Variants in DMGDH observed in about 807,000 individuals in gnomAD.
DMGDH encodes dimethylglycine dehydrogenase, mitochondrial.
Under a neutral mutation model 95.2 loss-of-function variants are expected in DMGDH, and 76 were observed. The observed-to-expected ratio is 0.80, with a 90% CI of 0.66 to 0.97. The LOEUF is 0.97. Among genes scored for constraint, DMGDH ranks in the 50% least tolerant of loss-of-function variants. The probability of loss-of-function intolerance (pLI) is 0.00; values close to 1 mark genes in which losing one functional copy is unlikely to be tolerated. For missense variants in DMGDH, 987 were observed against 1,055.0 expected (o/e 0.94, Z 0.89); for synonymous variants, 345 against 377.6 (o/e 0.91, Z 1.00).
At chr5:79,067,765 G>C (rs1336947173) in intron 1 of DMGDH, among the ~76,000 whole-genome samples, 3 of 152,078 alleles carry the variant, frequency 2.0e-5, no homozygotes, top group Admixed American at 2.0e-4. Context: ...AAACTTAGGA[G>C]CCATGCAAAA....
At chr5:79,047,363 G>T (rs1049279080) in intron 5 of DMGDH, among the ~76,000 whole-genome samples, 9 of 152,302 alleles carry the variant, frequency 5.9e-5, no homozygotes, top group East Asian at 3.9e-4. Context: ...TGATGACAAT[G>T]ATGGCCTCAT....
chr5:79,015,469 T>C (rs914937586), intron 14 of DMGDH, among the ~76,000 whole-genome samples: 81 of 152,292 alleles, frequency 5.3e-4, no homozygotes, highest in African/African-American at 1.7e-3. Context: ...ACACTCCAAA[T>C]TCCTTAGCTT....
At chr5:79,034,921 T>G (rs1018228359) in intron 7 of DMGDH, among the ~76,000 whole-genome samples, 47 of 151,342 alleles carry the variant, frequency 3.1e-4, no homozygotes, top group East Asian at 9.7e-4. Flanking sequence ...GCCGGGCGTG[T>G]TGGCGGGCGC....
intron 14 of DMGDH, chr5:79,021,238 G>A: frequency 2.0e-6 from 2 of 1,011,876 alleles, no homozygotes; most frequent in Non-Finnish European, 2.4e-6. Flanking sequence ...TCCACTTGCG[G>A]AAGGGTTATC....
chr5:79,014,873 C>G (rs144579363), intron 14 of DMGDH, among the ~76,000 whole-genome samples: 1 of 134,308 alleles, frequency 7.4e-6, no homozygotes, highest in East Asian at 2.0e-4. Context: ...CACTAGTGAT[C>G]AGACACAGGG....
intron 14 of DMGDH, chr5:79,020,564 A>C: frequency 1.4e-6 from 1 of 713,228 alleles, no homozygotes; most frequent in Non-Finnish European, 1.7e-6. Flanking sequence ...CCTCTTTACC[A>C]GCTTTTTTGG....
At chr5:79,038,011 C>T (rs1185575006) in intron 7 of DMGDH, among the ~76,000 whole-genome samples, 1 of 152,186 alleles carries the variant, frequency 6.6e-6, no homozygotes, top group Non-Finnish European at 1.5e-5. Flanking sequence ...AAATGATCTA[C>T]AGATTCAATG....
chr5:79,027,355 C>T lies in DMGDH; in HGVS notation c.2033-774G>A, dbSNP rs542825969. Among the ~76,000 whole-genome samples, 72 of 152,026 alleles carry T rather than the reference C, an allele frequency of 4.7e-4. 1 individual carries two copies. Among genetic ancestry groups the T allele is most frequent in the African/African-American group, 1.7e-3 (72 of 41,458 alleles). On this transcript the variant is annotated intron_variant, in intron 12 of 15. Transcript: ENST00000255189. ...CATTTTTTATTCTAGAATTTGCCAA[C>T]GTTGGGTGGAAGAAGGGCAGGGAAA...
intron 15 of DMGDH, among the ~76,000 whole-genome samples, chr5:78,999,772 A>T (rs879387059): frequency 1.3e-5 from 2 of 152,234 alleles, no homozygotes; most frequent in Admixed American, 1.3e-4. Context: ...GCCAAGGTAT[A>T]ACACATGCTT....
In DMGDH at chr5:79,006,233, T is replaced by G. The variant is rs912198231; in HGVS notation, c.2251-826A>C. On this transcript the variant is annotated intron_variant, in intron 14 of 15. Coordinates refer to ENST00000255189, the MANE Select transcript of DMGDH (RefSeq NM_013391.3). ...TGTGTTACAAAAAAAAAAAAAAAAG[T>G]AGGAATCAGGCAAACTGGAAGACTT... Among the ~76,000 whole-genome samples, 81 of 142,932 alleles carry G rather than the reference T, an allele frequency of 5.7e-4. 2 individuals carry two copies. In the East Asian group the frequency reaches 0.011, roughly 20 times the overall value. The allele number at this position is 142,932 out of a possible 152,430, so 93.8% of individuals were successfully genotyped here. A position where few individuals can be genotyped will look rare whatever the true frequency, so the allele number is the denominator to read the frequency against.
At chr5:79,033,472 A>C in intron 7 of DMGDH, 64 bp from the exon 8 acceptor site, 2 of 1,583,740 alleles carry the variant, frequency 1.3e-6, no homozygotes, top group South Asian at 2.2e-5. Context: ...AAACATAATC[A>C]AACTATTTTA....
At position 79,042,379 on chromosome 5, in the gene DMGDH, T is replaced by A; in HGVS notation, c.1097A>T (p.Asn366Ile). The change falls in exon 7 of 16, where the codon AAT (asparagine) becomes ATT (isoleucine). Residue 366 changes from asparagine (N) to isoleucine (I), a missense_variant. Asn to Ile is a moderately radical substitution (Grantham distance 149). Transcript: ENST00000255189. Reference sequence around the variant, plus strand: ...ATACGTGATAGGACCATTGACAACATTGATGATGTCAGCCTTTTTCAAGAC... The same window carrying A: ...ATACGTGATAGGACCATTGACAACAATGATGATGTCAGCCTTTTTCAAGAC... ...VPVLKKADII[N>I]VVNGPITYSP... 1 of 1,614,194 alleles carries A rather than the reference T, an allele frequency of 6.2e-7. No homozygotes were observed. The highest frequency in any genetic ancestry group is 8.5e-7 in the Non-Finnish European group (1 of 1,180,024).
At chr5:79,058,103 C>T (rs890954403) in intron 2 of DMGDH, among the ~76,000 whole-genome samples, 1 of 152,184 alleles carries the variant, frequency 6.6e-6, no homozygotes, top group Non-Finnish European at 1.5e-5. Flanking sequence ...AAAAGTTAGT[C>T]TCCCTTACCG....
At chr5:79,050,655 C>T (rs368857524) in intron 5 of DMGDH, among the ~76,000 whole-genome samples, 5 of 152,300 alleles carry the variant, frequency 3.3e-5, no homozygotes, top group South Asian at 2.1e-4. Flanking sequence ...TCTGACATAA[C>T]GATCAGTGGC....
chr5:79,045,146 T>A (rs1182448755), intron 5 of DMGDH, among the ~76,000 whole-genome samples: 1 of 152,112 alleles, frequency 6.6e-6, no homozygotes, highest in African/African-American at 2.4e-5. Context: ...GCACATTAAG[T>A]TTTATCTGTT....
intron 2 of DMGDH, among the ~76,000 whole-genome samples, chr5:79,063,402 T>A (rs1258544482): frequency 3.3e-5 from 5 of 152,178 alleles, no homozygotes; most frequent in African/African-American, 4.8e-5. Context: ...AAGCCAGGAT[T>A]CGAATCCAGA....
chr5:79,054,008 A>C (rs1453947781), intron 4 of DMGDH, among the ~76,000 whole-genome samples, 176 bp downstream of exon 4: 1 of 152,182 alleles, frequency 6.6e-6, no homozygotes, highest in African/African-American at 2.4e-5. Context: ...TTTATATATC[A>C]TTTACTGTAT....
intron 7 of DMGDH, among the ~76,000 whole-genome samples, chr5:79,041,838 A>T (rs1305569668): frequency 6.6e-6 from 1 of 152,100 alleles, no homozygotes; most frequent in Admixed American, 6.6e-5. Context: ...CTACTAAAAA[A>T]AAATTACAAA....
chr5:79,057,688 T>C (rs747346329), intron 2 of DMGDH, among the ~76,000 whole-genome samples: 1 of 152,170 alleles, frequency 6.6e-6, no homozygotes, highest in Non-Finnish European at 1.5e-5. Flanking sequence ...CCAGTGTGCA[T>C]GCAAACTTTC....
Sources: gnomAD v4.1 joint callset for allele counts (sites outside exome capture counted in the v4.1 genomes callset) on GRCh38, gnomAD v4.1.1 for gene constraint, MANE v1.5 for transcripts, NCBI Gene and HGNC (gene_info 2026-07-23, HGNC 2026-07-21) for gene names.